LEKR1: variants seen among roughly 807,000 people sequenced by gnomAD.
The protein encoded by LEKR1 is leucine, glutamate and lysine rich 1.
Under a neutral mutation model 72.4 loss-of-function variants are expected in LEKR1, and 59 were observed. The observed-to-expected ratio is 0.82, with a 90% CI of 0.66 to 1.01. LEKR1 has a LOEUF of 1.01. Among genes scored for constraint, LEKR1 ranks in the 50% least tolerant of loss-of-function variants. The pLI, the probability that LEKR1 is intolerant of heterozygous loss-of-function variation, is 0.00. For missense variants in LEKR1, 728 were observed against 759.2 expected, an observed-to-expected ratio of 0.96 and a Z score of 0.48; for synonymous variants, 257 against 263.2, an observed-to-expected ratio of 0.98 and a Z score of 0.23.
chr3:157,036,225 A>G (rs989062495), intron 12 of LEKR1, among the ~76,000 whole-genome samples: 8 of 152,198 alleles, frequency 5.3e-5, no homozygotes, highest in Non-Finnish European at 1.2e-4. Context: ...AAAAGAGATG[A>G]TATTGTATTC....
intron 3 of LEKR1, among the ~76,000 whole-genome samples, chr3:156,889,934 G>A (rs1311806764): frequency 2.6e-5 from 4 of 152,194 alleles, no homozygotes; most frequent in Non-Finnish European, 4.4e-5. Flanking sequence ...GTGTCAGGCT[G>A]CCTGAGTTCA....
intron 3 of LEKR1, among the ~76,000 whole-genome samples, chr3:156,891,341 T>G (rs974854085): frequency 1.3e-5 from 2 of 152,202 alleles, no homozygotes; most frequent in Admixed American, 6.5e-5. Context: ...TGGGGTTATA[T>G]CATTCCATAG....
At chr3:156,949,771 G>A (rs1301736013) in intron 6 of LEKR1, among the ~76,000 whole-genome samples, 1 of 151,114 alleles carries the variant, frequency 6.6e-6, no homozygotes, top group African/African-American at 2.4e-5. Flanking sequence ...AAGAAAAGCT[G>A]TTTGTTTCAG....
intron 3 of LEKR1, among the ~76,000 whole-genome samples, chr3:156,888,972 T>C (rs539021001): frequency 3.9e-4 from 60 of 152,236 alleles, no homozygotes; most frequent in Non-Finnish European, 7.2e-4. Flanking sequence ...AAATGCTAAA[T>C]CATAGATTTC....
chr3:157,002,990 G>A (rs1056423254), intron 9 of LEKR1, among the ~76,000 whole-genome samples: 2 of 152,080 alleles, frequency 1.3e-5, no homozygotes, highest in African/African-American at 4.8e-5. Context: ...CTATATCCAG[G>A]GAGACTGAAA....
Position 157,040,920 on chromosome 3 carries a change from C to T in LEKR1, c.1669-4420C>T, listed in dbSNP as rs1735297989. On this transcript the variant is annotated intron_variant, in intron 12 of 12. Transcript: ENST00000356539. The stretch of plus-strand genomic sequence containing the variant: ...AAGTTACACAGTAAAACCTTCTCTC[C>T]CTTCTTCCACTGTTTTTGAAATTTA... 2.0e-5 allele frequency among the ~76,000 whole-genome samples: 3 copies of T among 152,090 alleles called. No homozygotes were observed. In the South Asian group the frequency reaches 6.2e-4, roughly 31 times the overall value.
intron 3 of LEKR1, among the ~76,000 whole-genome samples, chr3:156,895,402 T>G (rs1026594181): frequency 6.6e-6 from 1 of 151,968 alleles, no homozygotes; most frequent in African/African-American, 2.4e-5. Context: ...TCAACTGAGC[T>G]CAGGAGTTCA....
At chr3:156,881,504 T>C (rs1286590966) in intron 3 of LEKR1, among the ~76,000 whole-genome samples, 1 of 151,770 alleles carries the variant, frequency 6.6e-6, no homozygotes, top group Non-Finnish European at 1.5e-5. Flanking sequence ...TAAAAGAGGA[T>C]ACAAACAAAT....
At chr3:156,868,608 G>A (rs927168994) in intron 3 of LEKR1, among the ~76,000 whole-genome samples, 22 of 152,038 alleles carry the variant, frequency 1.4e-4, no homozygotes, top group African/African-American at 4.6e-4. Context: ...TGCATAGAAT[G>A]TGTAATGATC....
At chr3:157,016,197 A>T (rs762457910) in intron 10 of LEKR1, among the ~76,000 whole-genome samples, 19 of 152,270 alleles carry the variant, frequency 1.2e-4, no homozygotes, top group Non-Finnish European at 2.4e-4. Context: ...AGTTTTACAA[A>T]TTTAATGAAA....
intron 6 of LEKR1, among the ~76,000 whole-genome samples, 171 bp from the exon 7 acceptor site, chr3:156,979,023 G>A (rs1729947161): frequency 6.6e-6 from 1 of 152,160 alleles, no homozygotes; most frequent in South Asian, 2.1e-4. Context: ...TTAGGATAGG[G>A]AGGGCTGAGT....
intron 2 of LEKR1, among the ~76,000 whole-genome samples, chr3:156,837,960 C>G (rs1560014057): frequency 6.6e-6 from 1 of 152,124 alleles, no homozygotes; most frequent in Non-Finnish European, 1.5e-5. Context: ...AGTCAAAAAC[C>G]TCATTTTGCA....
At chr3:157,021,876 A>C (rs1733862462) in intron 10 of LEKR1, among the ~76,000 whole-genome samples, 1 of 151,190 alleles carries the variant, frequency 6.6e-6, no homozygotes, top group East Asian at 1.9e-4. Flanking sequence ...TTAATTATTA[A>C]TAATTAATTA....
chr3:156,996,777 C>A (rs1370663286), intron 9 of LEKR1, among the ~76,000 whole-genome samples: 1 of 152,104 alleles, frequency 6.6e-6, no homozygotes, highest in Admixed American at 6.5e-5. Context: ...TTAAAAAGAT[C>A]TTCTCATTCG....
At chr3:156,915,868 G>C (rs1211266178) in intron 3 of LEKR1, among the ~76,000 whole-genome samples, 2 of 151,932 alleles carry the variant, frequency 1.3e-5, no homozygotes, top group Admixed American at 6.6e-5. Flanking sequence ...TGCCTAGGTT[G>C]TCTTCCAGGT....
At chr3:157,020,253 C>CTTT (rs1560151612) in intron 10 of LEKR1, among the ~76,000 whole-genome samples, 1 of 107,864 alleles carries the variant, frequency 9.3e-6, no homozygotes, top group Non-Finnish European at 1.8e-5. Flanking sequence ...TGCTGATTTT[C>CTTT]TTTTATTATT....
At chr3:156,845,538 TA>T (rs1206990588) in intron 2 of LEKR1, among the ~76,000 whole-genome samples, 15 of 150,392 alleles carry the variant, frequency 1.0e-4, no homozygotes, top group African/African-American at 2.7e-4. Flanking sequence ...GTTCCTTTTT[TA>T]AAAAAAAAAA....
chr3:157,033,079 T>C (rs1251664714), intron 12 of LEKR1, among the ~76,000 whole-genome samples: 1 of 152,198 alleles, frequency 6.6e-6, no homozygotes, highest in East Asian at 1.9e-4. Context: ...TTGTGTGTGT[T>C]CGGACTAATC....
chr3:157,039,878 G>A (rs918496084), intron 12 of LEKR1, among the ~76,000 whole-genome samples: 2 of 152,198 alleles, frequency 1.3e-5, no homozygotes, highest in Non-Finnish European at 1.5e-5. Context: ...CCAAAAAGTA[G>A]TTCTCAGTTT....
Sources: gnomAD v4.1 joint callset for allele counts (sites outside exome capture counted in the v4.1 genomes callset) on GRCh38, gnomAD v4.1.1 for gene constraint, MANE v1.5 for transcripts, NCBI Gene and HGNC (gene_info 2026-07-23, HGNC 2026-07-21) for gene names.